Variants in PCDH9 observed in about 807,000 individuals in gnomAD.
The protein encoded by PCDH9 is protocadherin-9.
Under a neutral mutation model 70.6 loss-of-function variants are expected in PCDH9, and 24 were observed. The ratio of observed to expected loss-of-function variants is 0.34; its 90% CI spans 0.25 to 0.48. The LOEUF is 0.48. PCDH9 is among the 20% of genes least tolerant of loss of function. The pLI is 0.99. For synonymous variants in PCDH9, 562 were observed against 558.5 expected, an observed-to-expected ratio of 1.01 and a Z score of -0.09; for missense variants, 1,281 against 1,503.6, an observed-to-expected ratio of 0.85 and a Z score of 2.45.
At chr13:66,656,371 A>T (rs1482247439) in intron 3 of PCDH9, among the ~76,000 whole-genome samples, 1 of 152,158 alleles carries the variant, frequency 6.6e-6, no homozygotes, top group Non-Finnish European at 1.5e-5. Flanking sequence ...TAGAGTTAAG[A>T]CACCATCAGA....
chr13:66,588,155 A>G (rs867860540), intron 4 of PCDH9, among the ~76,000 whole-genome samples: 1 of 152,018 alleles, frequency 6.6e-6, no homozygotes, highest in African/African-American at 2.4e-5. Flanking sequence ...ATAGACATCT[A>G]TAATTTTTCT....
At chr13:66,453,073 A>G (rs1056706026) in intron 4 of PCDH9, among the ~76,000 whole-genome samples, 1 of 152,160 alleles carries the variant, frequency 6.6e-6, no homozygotes, top group African/African-American at 2.4e-5. Context: ...AATACATTCT[A>G]AAATAATTTT....
At chr13:66,769,094 A>G (rs9564346) in intron 3 of PCDH9, among the ~76,000 whole-genome samples, 12,372 of 152,144 alleles carry the variant, frequency 0.081, 525 homozygotes, top group East Asian at 0.14. Flanking sequence ...CTACTCAGAC[A>G]CTGACTCTGG....
chr13:67,110,340 C>T (rs938768711), intron 2 of PCDH9, among the ~76,000 whole-genome samples: 1 of 151,522 alleles, frequency 6.6e-6, no homozygotes, highest in African/African-American at 2.4e-5. Context: ...CACGGTGAAA[C>T]CCCGTCTCCA....
chr13:66,867,883 G>A (rs2081604490), intron 3 of PCDH9, among the ~76,000 whole-genome samples: 1 of 151,588 alleles, frequency 6.6e-6, no homozygotes, highest in South Asian at 2.1e-4. Flanking sequence ...AGCATAAAAA[G>A]CCTCCTGTTC....
chr13:66,561,072 C>T (rs565206230), intron 4 of PCDH9, among the ~76,000 whole-genome samples: 17 of 152,336 alleles, frequency 1.1e-4, no homozygotes, highest in African/African-American at 3.8e-4. Context: ...GAGGGAGAAG[C>T]GCGGGCGGGA....
intron 3 of PCDH9, among the ~76,000 whole-genome samples, chr13:66,685,377 G>C (rs2078386631): frequency 6.6e-6 from 1 of 152,236 alleles, no homozygotes. Flanking sequence ...GTGCACCGAA[G>C]TCAAAAATTG....
At chr13:66,473,038 T>C (rs1261766344) in intron 4 of PCDH9, among the ~76,000 whole-genome samples, 2 of 151,890 alleles carry the variant, frequency 1.3e-5, no homozygotes, top group African/African-American at 4.8e-5. Flanking sequence ...TTTTTATGGA[T>C]TGATTTGCAA....
intron 4 of PCDH9, among the ~76,000 whole-genome samples, chr13:66,388,405 T>C (rs924868813): frequency 6.6e-6 from 1 of 152,160 alleles, no homozygotes; most frequent in Admixed American, 6.5e-5. Context: ...AGTTCAAACA[T>C]GGTCAATGAA....
intron 4 of PCDH9, among the ~76,000 whole-genome samples, chr13:66,595,890 G>A (rs1436211640): frequency 6.6e-6 from 1 of 151,614 alleles, no homozygotes; most frequent in Non-Finnish European, 1.5e-5. Context: ...AAAAGAGAAA[G>A]ACTATGACCT....
chr13:66,748,452 C>T (rs4884697), intron 3 of PCDH9, among the ~76,000 whole-genome samples: 42,315 of 151,812 alleles, frequency 0.28, 6,354 homozygotes, highest in East Asian at 0.44. Context: ...TCAGAATATT[C>T]AAGTGTGTAT....
chr13:66,709,048 A>G (rs192791165), intron 3 of PCDH9, among the ~76,000 whole-genome samples: 32 of 152,324 alleles, frequency 2.1e-4, no homozygotes, highest in African/African-American at 7.7e-4. Context: ...GCCATAAGAT[A>G]GTCTTCAGGC....
intron 2 of PCDH9, among the ~76,000 whole-genome samples, chr13:66,968,617 G>A (rs1466273836): frequency 6.6e-6 from 1 of 151,748 alleles, no homozygotes; most frequent in African/African-American, 2.4e-5. Context: ...TCTGTTAATC[G>A]GCTAATACAT....
chr13:67,153,710 C>G (rs1213055458), intron 2 of PCDH9, among the ~76,000 whole-genome samples: 2 of 152,026 alleles, frequency 1.3e-5, no homozygotes. Flanking sequence ...ATTTTAAAAC[C>G]CTTTAGTATC....
intron 4 of PCDH9, among the ~76,000 whole-genome samples, chr13:66,593,022 A>G (rs986504737): frequency 1.3e-5 from 2 of 151,748 alleles, no homozygotes; most frequent in Non-Finnish European, 3.0e-5. Context: ...AGCAACAACA[A>G]AGGCCCAAGG....
chr13:66,510,649 T>A lies in PCDH9; in HGVS notation c.3340+120561A>T, dbSNP rs1004840199. 7.9e-5 allele frequency among the ~76,000 whole-genome samples: 12 copies of A among 152,314 alleles called. No homozygotes were observed. In the East Asian group the frequency reaches 2.3e-3, roughly 29 times the overall value. On this transcript the variant is annotated intron_variant, in intron 4 of 4. Transcript: ENST00000377865. Reference sequence around the variant, plus strand: ...CCTTGCGATAGTTTGCTGAGAATGATGGTTTCCAGCTTCATCCATGTCCCT... The same window carrying A: ...CCTTGCGATAGTTTGCTGAGAATGAAGGTTTCCAGCTTCATCCATGTCCCT...
chr13:66,372,036 CT>C (rs970055051), intron 4 of PCDH9, among the ~76,000 whole-genome samples: 2 of 152,040 alleles, frequency 1.3e-5, no homozygotes. Context: ...CCTCCCACTT[CT>C]TAATACTTAT....
chr13:66,617,916 A>G (rs1481133932), intron 4 of PCDH9, among the ~76,000 whole-genome samples: 1 of 152,136 alleles, frequency 6.6e-6, no homozygotes, highest in African/African-American at 2.4e-5. Flanking sequence ...CCTTAACTGC[A>G]GTTAGATGTA....
intron 4 of PCDH9, among the ~76,000 whole-genome samples, chr13:66,388,269 C>CA (rs1251270867): frequency 2.0e-5 from 3 of 152,102 alleles, no homozygotes; most frequent in African/African-American, 7.2e-5. Flanking sequence ...TGTTTACACT[C>CA]ATAAGAATTA....
Sources: gnomAD v4.1 joint callset for allele counts (sites outside exome capture counted in the v4.1 genomes callset) on GRCh38, gnomAD v4.1.1 for gene constraint, MANE v1.5 for transcripts, NCBI Gene and HGNC (gene_info 2026-07-23, HGNC 2026-07-21) for gene names.